The following MRTFB variants were observed in gnomAD, a reference collection of about 807,000 sequenced individuals.
MRTFB encodes myocardin-related transcription factor B.
A neutral mutation model predicts 104.2 loss-of-function variants in MRTFB; 29 were observed. The observed-to-expected ratio is 0.28, with a 90% CI of 0.21 to 0.38. MRTFB has a LOEUF of 0.38. Ranked by LOEUF, MRTFB falls within the 10% of genes least tolerant of loss-of-function variation. The pLI is 1.00. For synonymous variants in MRTFB, 535 were observed against 519.5 expected (o/e 1.03, Z -0.41); for missense variants, 1,270 against 1,341.6 (o/e 0.95, Z 0.83).
intron 13 of MRTFB, among the ~76,000 whole-genome samples, chr16:14,249,356 C>T (rs1231768184): frequency 1.3e-5 from 2 of 152,182 alleles, no homozygotes; most frequent in African/African-American, 2.4e-5. Context: ...TGTTTTCAAT[C>T]CTCATATATT....
At chr16:14,008,043 G>A in the MRTFB span, among the ~76,000 whole-genome samples, 10 of 151,950 alleles carry the variant, frequency 6.6e-5, no homozygotes, top group South Asian at 2.1e-4. Context: ...CTTTTTTGAC[G>A]TCTTTGAAGC....
chr16:14,162,174 AT>A (rs920001019), intron 3 of MRTFB, among the ~76,000 whole-genome samples: 1 of 148,018 alleles, frequency 6.8e-6, no homozygotes, highest in Non-Finnish European at 1.5e-5. Flanking sequence ...AAAAAAAAAA[AT>A]TATTTTTTAA....
intron 2 of MRTFB, among the ~76,000 whole-genome samples, chr16:14,127,659 A>G (rs6498501): frequency 6.7e-6 from 1 of 149,262 alleles, no homozygotes. Flanking sequence ...AAAAAAAAAA[A>G]ATAATGACGA....
chr16:14,249,131 C>G, intron 13 of MRTFB, 50 bp downstream of exon 13: 1 of 1,586,790 alleles, frequency 6.3e-7, no homozygotes, highest in South Asian at 1.1e-5. Context: ...TTACCATCCT[C>G]CGATCATCCA....
intron 3 of MRTFB, among the ~76,000 whole-genome samples, chr16:14,168,251 A>C (rs2039313638): frequency 7.1e-6 from 1 of 140,694 alleles, no homozygotes; most frequent in Admixed American, 6.9e-5. Flanking sequence ...GTGTATGCTT[A>C]TCTATATATA....
chr16:14,195,817 C>A (rs951113787), intron 3 of MRTFB, among the ~76,000 whole-genome samples: 1 of 151,986 alleles, frequency 6.6e-6, no homozygotes, highest in African/African-American at 2.4e-5. Context: ...TTTTTTATTG[C>A]CCTCAAAATA....
At chr16:14,057,179 T>G in the MRTFB span, among the ~76,000 whole-genome samples, 1 of 152,134 alleles carries the variant, frequency 6.6e-6, no homozygotes, top group Non-Finnish European at 1.5e-5. Flanking sequence ...GGCTCTGGAA[T>G]GTAAGCTCAC....
chr16:14,051,147 C>G, the MRTFB span, among the ~76,000 whole-genome samples: 6 of 151,994 alleles, frequency 3.9e-5, no homozygotes, highest in African/African-American at 1.5e-4. Flanking sequence ...CACACTGAAG[C>G]AGACAGACAC....
Position 14,128,236 on chromosome 16 carries a change from T to C in MRTFB, c.-63-12308T>C, listed in dbSNP as rs1273034907. On this transcript the variant is annotated intron_variant, in intron 2 of 16. Transcript: ENST00000571589. Reference sequence around the variant, plus strand: ...CGTAGTTGGGTTTCATGCCATTTCATAGGACATATGTGCCAAAAATGGTGT... The same window carrying C: ...CGTAGTTGGGTTTCATGCCATTTCACAGGACATATGTGCCAAAAATGGTGT... 2.0e-5 allele frequency among the ~76,000 whole-genome samples: 3 copies of C among 152,080 alleles called. No individual in the cohort carries two copies. The East Asian group carries it at 5.8e-4, about 29-fold the overall frequency.
intron 2 of MRTFB, among the ~76,000 whole-genome samples, chr16:14,127,930 T>TATATATATATA (rs1491428460): frequency 9.2e-4 from 29 of 31,610 alleles, no homozygotes; most frequent in African/African-American, 3.8e-3. Flanking sequence ...TATATATATA[T>TATATATATATA]TTTTTTTTTT....
intron 3 of MRTFB, among the ~76,000 whole-genome samples, chr16:14,164,592 A>G (rs1384311984): frequency 6.6e-6 from 1 of 152,192 alleles, no homozygotes; most frequent in Non-Finnish European, 1.5e-5. Context: ...CCTTTGATAG[A>G]CTAGTTTCCT....
At chr16:14,025,878 A>G in the MRTFB span, among the ~76,000 whole-genome samples, 2 of 152,244 alleles carry the variant, frequency 1.3e-5, no homozygotes, top group African/African-American at 4.8e-5. Context: ...GTCATTTACA[A>G]TCACTCAGGG....
chr16:14,124,079 G>A (rs2036986407), intron 2 of MRTFB, among the ~76,000 whole-genome samples: 1 of 152,152 alleles, frequency 6.6e-6, no homozygotes, highest in African/African-American at 2.4e-5. Context: ...TGTTATTGGT[G>A]TATAAGAATA....
chr16:14,124,848 T>C (rs114018208), intron 2 of MRTFB, among the ~76,000 whole-genome samples: 59 of 152,296 alleles, frequency 3.9e-4, no homozygotes, highest in African/African-American at 1.4e-3. Flanking sequence ...TGTATTAACA[T>C]GTGTTAACCC....
Position 14,248,789 on chromosome 16 carries a change from T to C in MRTFB, c.2248-137T>C, listed in dbSNP as rs2043131482. 2.5e-6 allele frequency: 2 copies of C among 807,792 alleles called. 1 individual carries two copies. Among genetic ancestry groups the C allele is most frequent in the South Asian group, 3.8e-5 (2 of 52,850 alleles). The allele number at this position is 807,792 out of a possible 1,614,324, so 50.0% of individuals were successfully genotyped here. On this transcript the variant is annotated intron_variant, in intron 12 of 16. Coordinates refer to ENST00000571589, the MANE Select transcript of MRTFB (RefSeq NM_001308142.2). ...ATTAAAGTTCAGATTTCTGTGCAGA[T>C]GAAGTGTGTATCTGTAACCTTGGTC... is the stretch of plus-strand genomic sequence containing the variant.
intron 6 of MRTFB, among the ~76,000 whole-genome samples, chr16:14,216,888 CT>C (rs1248132835): frequency 2.0e-5 from 3 of 152,188 alleles, no homozygotes; most frequent in African/African-American, 7.2e-5. Flanking sequence ...GTTTAAGGTC[CT>C]GTTAATTTGA....
chr16:14,047,285 A>C, the MRTFB span, among the ~76,000 whole-genome samples: 2 of 152,138 alleles, frequency 1.3e-5, no homozygotes, highest in Admixed American at 1.3e-4. Flanking sequence ...AAGGATCTTC[A>C]TGTGTGTGGT....
chr16:13,998,871 CAAAAA>C, the MRTFB span, among the ~76,000 whole-genome samples: 8 of 29,680 alleles, frequency 2.7e-4, no homozygotes, highest in African/African-American at 5.7e-4. Flanking sequence ...GACTCTGTTT[CAAAAA>C]AAAAAAAAAA....
chr16:14,067,244 C>A (rs28633337), upstream of MRTFB, among the ~76,000 whole-genome samples: 4,423 of 133,222 alleles, frequency 0.033, 210 homozygotes, highest in African/African-American at 0.11. Context: ...TTTTTTGAGA[C>A]AGGGTCTCCC....
Sources: gnomAD v4.1 joint callset for allele counts (sites outside exome capture counted in the v4.1 genomes callset) on GRCh38, gnomAD v4.1.1 for gene constraint, MANE v1.5 for transcripts, NCBI Gene and HGNC (gene_info 2026-07-23, HGNC 2026-07-21) for gene names.